ATP10B: variants seen among roughly 807,000 people sequenced by gnomAD.
ATP10B encodes ATPase phospholipid transporting 10B (putative).
In ATP10B, 122 loss-of-function variants were observed where a neutral mutation model predicts 141.2. That is an observed-to-expected ratio of 0.86 (90% CI 0.75 to 1.00). The LOEUF is 1.00. Among genes scored for constraint, ATP10B ranks in the 50% least tolerant of loss-of-function variants. ATP10B has a pLI of 0.00. For missense variants in ATP10B, 1,876 were observed against 1,825.3 expected (o/e 1.03, Z -0.51); for synonymous variants, 685 against 692.0 (o/e 0.99, Z 0.16).
chr5:160,847,773 A>G (rs1203412604), intron 1 of ATP10B, among the ~76,000 whole-genome samples: 1 of 152,174 alleles, frequency 6.6e-6, no homozygotes, highest in Non-Finnish European at 1.5e-5. Flanking sequence ...AACGCGGGTT[A>G]TTAAGTAGGA....
At position 160,737,353 on chromosome 5, in the gene ATP10B, A is replaced by G. The variant is rs545821684; in HGVS notation, c.-330-20319T>C. 2.6e-5 allele frequency among the ~76,000 whole-genome samples: 4 copies of G among 152,358 alleles called. No homozygotes were observed. In the East Asian group the frequency reaches 7.7e-4, roughly 29 times the overall value. Reference sequence around the variant, plus strand: ...CTCCAAGATCTGGAACATGACAAGGATGCTCACTTTCAAGACTGTTATTCA... The same window carrying G: ...CTCCAAGATCTGGAACATGACAAGGGTGCTCACTTTCAAGACTGTTATTCA... On this transcript the variant is annotated intron_variant, in intron 2 of 25. Coordinates refer to ENST00000327245, the MANE Select transcript of ATP10B (RefSeq NM_025153.3).
the ATP10B span, among the ~76,000 whole-genome samples, chr5:160,908,883 T>C: frequency 2.0e-5 from 3 of 152,362 alleles, no homozygotes; most frequent in African/African-American, 7.2e-5. Context: ...TCTAAGCTTC[T>C]GCTAGCCTTT....
chr5:160,907,099 GC>G, the ATP10B span, among the ~76,000 whole-genome samples: 1 of 152,304 alleles, frequency 6.6e-6, no homozygotes, highest in Non-Finnish European at 1.5e-5. Context: ...CCTTCAGTTT[GC>G]CAAGGGGTTG....
chr5:160,869,492 T>C, the ATP10B span, among the ~76,000 whole-genome samples: 452 of 152,240 alleles, frequency 3.0e-3, 1 homozygote, highest in Non-Finnish European at 5.0e-3. Flanking sequence ...AAAAAAGTCT[T>C]AGAATGTTTG....
chr5:160,919,801 C>T, the ATP10B span, among the ~76,000 whole-genome samples: 110 of 152,280 alleles, frequency 7.2e-4, no homozygotes, highest in African/African-American at 2.5e-3. Flanking sequence ...GGGTCGCTAA[C>T]GACGGCGCCT....
intron 6 of ATP10B, among the ~76,000 whole-genome samples, chr5:160,682,907 C>T (rs538483455): frequency 1.3e-5 from 2 of 151,476 alleles, no homozygotes; most frequent in South Asian, 2.1e-4. Context: ...GGCGTGATGG[C>T]GGGCACCTGT....
intron 7 of ATP10B, among the ~76,000 whole-genome samples, chr5:160,659,464 C>CAAACAA (rs1761752281): frequency 6.7e-6 from 1 of 149,932 alleles, no homozygotes; most frequent in East Asian, 1.9e-4. Flanking sequence ...GGCTCCGTCT[C>CAAACAA]AAATAAAAAC....
chr5:160,782,636 G>A (rs1037582151), intron 2 of ATP10B, among the ~76,000 whole-genome samples: 1 of 152,108 alleles, frequency 6.6e-6, no homozygotes, highest in Non-Finnish European at 1.5e-5. Context: ...AATATGTGCA[G>A]AGAAATATCT....
At chr5:160,682,252 C>T (rs1311992630) in intron 6 of ATP10B, among the ~76,000 whole-genome samples, 1 of 152,158 alleles carries the variant, frequency 6.6e-6, no homozygotes, top group Non-Finnish European at 1.5e-5. Flanking sequence ...CCTTCATGGG[C>T]TATGGGTCCA....
At chr5:160,761,311 C>T (rs1379083264) in intron 2 of ATP10B, among the ~76,000 whole-genome samples, 2 of 152,218 alleles carry the variant, frequency 1.3e-5, no homozygotes, top group Non-Finnish European at 2.9e-5. Context: ...CCCCTGCCAA[C>T]TCCACTAGAG....
the ATP10B span, among the ~76,000 whole-genome samples, chr5:160,898,317 C>T: frequency 8.6e-5 from 13 of 151,938 alleles, no homozygotes; most frequent in African/African-American, 2.9e-4. Context: ...AAACAACCCC[C>T]TCAAAATGTG....
chr5:160,830,514 GC>G (rs945594794), intron 1 of ATP10B, among the ~76,000 whole-genome samples: 4 of 151,966 alleles, frequency 2.6e-5, no homozygotes, highest in Non-Finnish European at 5.9e-5. Context: ...CCAATGCTTT[GC>G]TTTTTCAAGT....
chr5:160,797,948 G>GAA (rs34913318), intron 1 of ATP10B, among the ~76,000 whole-genome samples: 28 of 127,602 alleles, frequency 2.2e-4, no homozygotes, highest in Non-Finnish European at 2.9e-4. Flanking sequence ...AAGAAAAAAA[G>GAA]AAAAAAAAAA....
chr5:160,818,909 A>C (rs1320616779), intron 1 of ATP10B, among the ~76,000 whole-genome samples: 2 of 152,320 alleles, frequency 1.3e-5, no homozygotes, highest in East Asian at 3.9e-4. Flanking sequence ...ACAAAAAACC[A>C]AATACCACAT....
chr5:160,565,574 G>A lies in ATP10B; in HGVS notation c.4265C>T (p.Ser1422Leu), dbSNP rs771942790. The A allele has an allele frequency of 6.2e-6, 10 of 1,613,992 alleles. No individual in the cohort carries two copies. In the Admixed American group the frequency reaches 1.7e-4, roughly 27 times the overall value. ...SCSGDSSAQL[S>L]SGEHLLGPNR... ...AGGTCCCAGCAGGTGCTCCCCGGAT[G>A]AGAGTTGAGCTGAGGAGTCCCCTGA... Residue 1422 changes from serine (S) to leucine (L), a missense_variant, in exon 26 of 26, where the codon TCA (serine) becomes TTA (leucine). Transcript: ENST00000327245.
chr5:160,718,728 T>A (rs1283682747), intron 2 of ATP10B, among the ~76,000 whole-genome samples: 1 of 152,062 alleles, frequency 6.6e-6, no homozygotes, highest in Non-Finnish European at 1.5e-5. Context: ...AAGAACTCAC[T>A]CACTACCTTG....
chr5:160,804,304 A>G (rs1772619453), intron 1 of ATP10B, among the ~76,000 whole-genome samples: 1 of 152,198 alleles, frequency 6.6e-6, no homozygotes, highest in Non-Finnish European at 1.5e-5. Flanking sequence ...ATATGTGTGT[A>G]TGTGATAAAT....
Position 160,632,117 on chromosome 5 carries a change from G to T in ATP10B, c.1620+12C>A, listed in dbSNP as rs1561670839. 1.9e-6 allele frequency: 3 copies of T among 1,606,124 alleles called. No individual in the cohort carries two copies. The highest frequency in any genetic ancestry group is 2.6e-6 in the Non-Finnish European group (3 of 1,174,366). On this transcript the variant is annotated intron_variant, in intron 13 of 25. Transcript: ENST00000327245. ...GAACACTTACAGTTCAAAGGCAAAA[G>T]TCAGGACTTACTATGGAGCTGCTGA...
At chr5:160,835,679 G>T (rs1258108991) in intron 1 of ATP10B, among the ~76,000 whole-genome samples, 1 of 152,104 alleles carries the variant, frequency 6.6e-6, no homozygotes, top group African/African-American at 2.4e-5. Flanking sequence ...TCTCTGTCAA[G>T]CAGCTGTTGC....
Sources: gnomAD v4.1 joint callset for allele counts (sites outside exome capture counted in the v4.1 genomes callset) on GRCh38, gnomAD v4.1.1 for gene constraint, MANE v1.5 for transcripts, NCBI Gene and HGNC (gene_info 2026-07-23, HGNC 2026-07-21) for gene names.